The following PRKAR1A variants were observed in gnomAD, a reference collection of about 807,000 sequenced individuals.
The protein encoded by PRKAR1A is protein kinase cAMP-dependent type I regulatory subunit alpha.
PRKAR1A carries 3 observed loss-of-function variants against 52.0 expected under a neutral mutation model. The ratio of observed to expected loss-of-function variants is 0.06; its 90% confidence interval spans 0.03 to 0.15. PRKAR1A has a LOEUF of 0.15. Among genes scored for constraint, PRKAR1A ranks in the 10% least tolerant of loss-of-function variants. The probability of loss-of-function intolerance (pLI) is 1.00; values close to 1 mark genes in which losing one functional copy is unlikely to be tolerated. For synonymous variants in PRKAR1A, 188 were observed against 168.4 expected (o/e 1.12, Z -0.90); for missense variants, 240 against 477.4 (o/e 0.50, Z 4.63).
At chr17:68,461,176 C>CT in the PRKAR1A span, among the ~76,000 whole-genome samples, 1 of 152,106 alleles carries the variant, frequency 6.6e-6, no homozygotes, top group Non-Finnish European at 1.5e-5. This position sits in a 1 kb window ranked among gnomAD's most constrained non-coding sequence, Gnocchi z 4.6. Context: ...TCCTAAATGT[C>CT]TATCTTTTCC....
the PRKAR1A span, among the ~76,000 whole-genome samples, chr17:68,424,299 C>T: frequency 1.3e-5 from 2 of 152,272 alleles, no homozygotes; most frequent in South Asian, 2.1e-4. Flanking sequence ...GCGACCGACC[C>T]GCAGAGCCGA....
the PRKAR1A span, among the ~76,000 whole-genome samples, chr17:68,473,514 A>ATTATTTAT: frequency 2.6e-5 from 4 of 152,026 alleles, no homozygotes; most frequent in South Asian, 2.1e-4. Context: ...GACCTATTTT[A>ATTATTTAT]TTATTTATTT....
chr17:68,414,409 T>C, the PRKAR1A span, among the ~76,000 whole-genome samples: 2,319 of 152,330 alleles, frequency 0.015, 27 homozygotes, highest in Non-Finnish European at 0.02. Flanking sequence ...ATCTTTTTGA[T>C]ATGTTGTTGG....
chr17:68,486,528 T>TCC, the PRKAR1A span, among the ~76,000 whole-genome samples: 1 of 132,384 alleles, frequency 7.6e-6, no homozygotes, highest in Admixed American at 7.7e-5. Flanking sequence ...TTTCTTTCTT[T>TCC]CTTTCTTTCT....
chr17:68,542,468 A>T (rs1347272923), intron 11 of PRKAR1A, among the ~76,000 whole-genome samples: 1 of 152,142 alleles, frequency 6.6e-6, no homozygotes, highest in Non-Finnish European at 1.5e-5. Context: ...TTGTAGGGTC[A>T]ATGCCCACAC....
At chr17:68,546,120 G>C (rs2086545739) in intron 11 of PRKAR1A, among the ~76,000 whole-genome samples, 1 of 138,986 alleles carries the variant, frequency 7.2e-6, no homozygotes, top group South Asian at 2.5e-4. Context: ...AGTGAGCCGA[G>C]ATTGTGCCAC....
chr17:68,433,759 A>AGTT, the PRKAR1A span, among the ~76,000 whole-genome samples: 19 of 87,114 alleles, frequency 2.2e-4, 1 homozygote, highest in South Asian at 1.9e-3. Flanking sequence ...AAAGGGTCAT[A>AGTT]GTTTTTTTTT....
the PRKAR1A span, among the ~76,000 whole-genome samples, chr17:68,463,198 GT>G: frequency 6.6e-6 from 1 of 152,164 alleles, no homozygotes; most frequent in African/African-American, 2.4e-5. Context: ...TTCTAGGATG[GT>G]TGGGGGGACA....
chr17:68,481,247 A>T, the PRKAR1A span, among the ~76,000 whole-genome samples: 1 of 152,106 alleles, frequency 6.6e-6, no homozygotes, highest in Non-Finnish European at 1.5e-5. Context: ...GTGGAAGACA[A>T]TTTTTCCATC....
chr17:68,540,072 A>T, intron 11 of PRKAR1A: 2 of 566,830 alleles, frequency 3.5e-6, no homozygotes. Context: ...CTTGAGAGAC[A>T]GGGGTGTGAA....
At chr17:68,539,853 G>A (rs758086484) in intron 11 of PRKAR1A, 1 of 1,603,918 alleles carries the variant, frequency 6.2e-7, no homozygotes, top group Non-Finnish European at 8.5e-7. Context: ...ATCTGGGAGA[G>A]GGGATTGTTG....
the PRKAR1A span, among the ~76,000 whole-genome samples, chr17:68,432,752 T>C: frequency 0.26 from 39,054 of 152,076 alleles, 5,687 homozygotes; most frequent in Middle Eastern, 0.35. Flanking sequence ...GATCCTGCCT[T>C]TCTCTGCAGG....
At chr17:68,452,718 G>T in the PRKAR1A span, among the ~76,000 whole-genome samples, 231 of 152,242 alleles carry the variant, frequency 1.5e-3, 1 homozygote, top group African/African-American at 5.3e-3. Flanking sequence ...TTAAACTGTT[G>T]CCAGATCTAA....
the PRKAR1A span, among the ~76,000 whole-genome samples, chr17:68,464,718 A>C: frequency 1.8e-3 from 139 of 77,682 alleles, no homozygotes; most frequent in Non-Finnish European, 3.2e-3. Flanking sequence ...CAAAAAAAAC[A>C]CCTAACATTG....
At chr17:68,474,140 A>T in the PRKAR1A span, among the ~76,000 whole-genome samples, 1 of 152,206 alleles carries the variant, frequency 6.6e-6, no homozygotes, top group Non-Finnish European at 1.5e-5. Flanking sequence ...ACCACCAAAT[A>T]TATTTCTATA....
At chr17:68,451,959 T>C in the PRKAR1A span, among the ~76,000 whole-genome samples, 1 of 152,116 alleles carries the variant, frequency 6.6e-6, no homozygotes, top group African/African-American at 2.4e-5. Context: ...GAGCAAAAAA[T>C]TCACAAAAAT....
Position 68,540,416 on chromosome 17 carries a change from C to A in PRKAR1A, c.973+10415C>A, listed in dbSNP as rs928325326. On this transcript the variant is annotated intron_variant, in intron 11 of 11. Transcript: ENST00000585981. The stretch of plus-strand genomic sequence containing the variant: ...CCGACCTAAGCTCCTGTATGACGGC[C>A]ACCTTCATAAGTGTCTCGTCTCCCT... 19 of 457,942 alleles carry A rather than the reference C, an allele frequency of 4.1e-5. No individual in the cohort carries two copies. The Admixed American group carries it at 4.5e-4, about 11-fold the overall frequency. 28.4% of individuals were successfully genotyped at this position (457,942 alleles called of 1,614,324 possible).
the PRKAR1A span, chr17:68,452,903 CACTT>C: frequency 1.9e-6 from 3 of 1,613,382 alleles, no homozygotes; most frequent in Non-Finnish European, 2.5e-6. Flanking sequence ...CTCTCACACA[CACTT>C]ACTGCTTCCG....
At chr17:68,468,286 G>A in the PRKAR1A span, among the ~76,000 whole-genome samples, 2 of 152,306 alleles carry the variant, frequency 1.3e-5, no homozygotes, top group East Asian at 3.9e-4. Context: ...CTGGGGCTAA[G>A]GGTAGATATG....
Sources: allele counts gnomAD v4.1 joint callset (sites outside exome capture counted in the v4.1 genomes callset), GRCh38; gene constraint gnomAD v4.1.1; non-coding constraint Gnocchi (gnomAD v3.1); transcripts MANE v1.5; gene names NCBI Gene and HGNC (gene_info 2026-07-23, HGNC 2026-07-21).